The following MDN1 variants were observed in gnomAD, a reference collection of about 807,000 sequenced individuals.
MDN1 encodes the protein midasin AAA ATPase 1.
Under a neutral mutation model 669.2 loss-of-function variants are expected in MDN1, and 266 were observed. The observed-to-expected ratio is 0.40, with a 90% confidence interval of 0.36 to 0.44. The LOEUF is 0.44. MDN1 is among the 20% of genes least tolerant of loss of function. MDN1 has a pLI of 1.00. For missense variants in MDN1, 5,940 were observed against 6,754.0 expected (o/e 0.88, Z 4.22); for synonymous variants, 2,385 against 2,457.1 (o/e 0.97, Z 0.87).
At chr6:89,754,333 A>G in intron 20 of MDN1, 103 bp from the exon 21 acceptor site, 1 of 1,212,426 alleles carries the variant, frequency 8.2e-7, no homozygotes, top group Non-Finnish European at 1.1e-6. Context: ...ATCAGAAATG[A>G]TCATGCACAC....
intron 33 of MDN1, among the ~76,000 whole-genome samples, chr6:89,733,237 C>CT (rs952569398): frequency 3.5e-4 from 52 of 148,938 alleles, no homozygotes; most frequent in Non-Finnish European, 5.7e-4. Context: ...TTTCTTTTTT[C>CT]TTTTTTTTTA....
chr6:89,755,780 C>T (rs1337653771), intron 20 of MDN1, among the ~76,000 whole-genome samples: 2 of 152,170 alleles, frequency 1.3e-5, no homozygotes, highest in African/African-American at 4.8e-5. Context: ...ATATGGCATA[C>T]AAAAAACAGG....
chr6:89,699,110 A>C (rs887102995), intron 58 of MDN1, 75 bp from the exon 59 acceptor site: 1 of 1,319,106 alleles, frequency 7.6e-7, no homozygotes, highest in Non-Finnish European at 1.0e-6. Flanking sequence ...TCTTTCTTCT[A>C]AGGCCCATCT....
chr6:89,688,526 T>C (rs539713328), intron 66 of MDN1, 47 bp downstream of exon 66: 12 of 1,540,478 alleles, frequency 7.8e-6, no homozygotes, highest in South Asian at 2.4e-5. Context: ...TGCATCCTCA[T>C]TGCAGACTCA....
chr6:89,688,036 A>G (rs1335244445), intron 67 of MDN1, 42 bp downstream of exon 67: 1 of 1,528,972 alleles, frequency 6.5e-7, no homozygotes, highest in South Asian at 1.1e-5. Context: ...TCTTTTGCCA[A>G]CTGACCACCA....
chr6:89,752,443 T>C (rs1460610092), intron 22 of MDN1, among the ~76,000 whole-genome samples: 1 of 152,226 alleles, frequency 6.6e-6, no homozygotes, highest in Non-Finnish European at 1.5e-5. Flanking sequence ...TTTAAAAGGC[T>C]GAGTCCAAAG....
At position 89,658,737 on chromosome 6, in the gene MDN1, T is replaced by G. The variant is rs1271472230; in HGVS notation, c.14894A>C (p.Asp4965Ala). 1 of 1,614,048 alleles carries G rather than the reference T, an allele frequency of 6.2e-7. No individual in the cohort carries two copies. Among genetic ancestry groups the G allele is most frequent in the Non-Finnish European group, 8.5e-7 (1 of 1,180,026 alleles). ...EEMDTGADDQ[D>A]GDAAQHPEEH... is the part of the protein sequence containing the mutation. ...TTCAGGATGCTGAGCAGCATCTCCATCTTGGTCATCAGCTCCTGTGTCCAT... is the reference window on the plus strand; with the variant it reads ...TTCAGGATGCTGAGCAGCATCTCCAGCTTGGTCATCAGCTCCTGTGTCCAT... Residue 4965 changes from aspartate to alanine, a missense_variant, in exon 89 of 102, where the codon GAT becomes GCT. Around this residue, in one of 5 missense-constraint regions of MDN1, gnomAD observed 2,280 missense variants for 2,576.3 expected, o/e 0.88. Coordinates refer to ENST00000369393, the MANE Select transcript of MDN1 (RefSeq NM_014611.3).
intron 91 of MDN1, 51 bp downstream of exon 91, chr6:89,656,649 C>A: frequency 9.2e-5 from 101 of 1,099,132 alleles, no homozygotes; most frequent in Middle Eastern, 2.5e-4. Context: ...TTTGGAACAT[C>A]TTTTTCTACA....
At chr6:89,803,833 A>G (rs1002694900) in intron 1 of MDN1, among the ~76,000 whole-genome samples, 19 of 150,004 alleles carry the variant, frequency 1.3e-4, no homozygotes, top group African/African-American at 3.9e-4. Flanking sequence ...CGCCCGCCTC[A>G]GCCTCCCAAA....
At chr6:89,780,880 A>G (rs1019663169) in intron 10 of MDN1, among the ~76,000 whole-genome samples, 5 of 150,776 alleles carry the variant, frequency 3.3e-5, no homozygotes, top group African/African-American at 1.2e-4. Flanking sequence ...CGAACTCCTG[A>G]TCTCATGATC....
Position 89,712,871 on chromosome 6 carries a change from C to T in MDN1, c.7219-85G>A, listed in dbSNP as rs193209675. On this transcript the variant is annotated intron_variant, in intron 47 of 101. Transcript: ENST00000369393. ...ACCAGCAAAGTAATAATAGTCCATG[C>T]GACCACCTCACAACAACTTTTAATA... The T allele has an allele frequency of 2.2e-3, 2,778 of 1,236,444 alleles. 6 individuals are homozygous for T. The highest frequency in any genetic ancestry group is 2.9e-3 in the Non-Finnish European group (2,483 of 865,014). The allele number at this position is 1,236,444 out of a possible 1,614,324, so 76.6% of individuals were successfully genotyped here.
At chr6:89,753,924 TATTTA>T (rs1422091398) in intron 21 of MDN1, among the ~76,000 whole-genome samples, 154 bp downstream of exon 21, 2 of 152,074 alleles carry the variant, frequency 1.3e-5, no homozygotes, top group Non-Finnish European at 2.9e-5. Flanking sequence ...AAAAGTAAAA[TATTTA>T]ATTTAAAAGG....
intron 66 of MDN1, 93 bp from the exon 67 acceptor site, chr6:89,688,266 C>G (rs750508656): frequency 9.5e-6 from 11 of 1,158,878 alleles, no homozygotes; most frequent in Admixed American, 2.1e-5. Flanking sequence ...AGATTCCCCC[C>G]AGTTCTCTAC....
At chr6:89,680,557 G>C in intron 74 of MDN1, 32 bp downstream of exon 74, 1 of 1,603,320 alleles carries the variant, frequency 6.2e-7, no homozygotes, top group South Asian at 1.1e-5. Context: ...AAAACAGAAA[G>C]ATCCACCCTT....
At chr6:89,656,914 A>G (rs1306519690) in intron 90 of MDN1, 113 bp from the exon 91 acceptor site, 2 of 897,760 alleles carry the variant, frequency 2.2e-6, no homozygotes, top group Admixed American at 2.4e-5. Flanking sequence ...TCTCAGTCAT[A>G]TAATCACTCC....
intron 1 of MDN1, 130 bp downstream of exon 1, chr6:89,819,376 G>A (rs533697832): frequency 1.4e-5 from 12 of 840,414 alleles, no homozygotes; most frequent in Non-Finnish European, 2.1e-5. Context: ...GCCCACAGGA[G>A]GGGGCCAGCT....
chr6:89,795,584 G>A (rs1448344502), intron 2 of MDN1, among the ~76,000 whole-genome samples: 5 of 152,160 alleles, frequency 3.3e-5, no homozygotes. Flanking sequence ...GCAAGACCTT[G>A]TCTCAAAATA....
chr6:89,695,101 C>G lies in MDN1; in HGVS notation c.9771+504G>C, dbSNP rs548821771. Among the ~76,000 whole-genome samples, 1 of 152,030 alleles carries G rather than the reference C, an allele frequency of 6.6e-6. No homozygotes were observed. Among genetic ancestry groups the G allele is most frequent in the Non-Finnish European group, 1.5e-5 (1 of 68,008 alleles). ...TACAAAAATTAGCCAGGCGTGGTAG[C>G]GGGTTCCTGTAATCCCAGCTACTCG... is the stretch of plus-strand genomic sequence containing the variant. On this transcript the variant is annotated intron_variant, in intron 61 of 101. Transcript: ENST00000369393. This position sits in a 1 kb window ranked among gnomAD's most constrained non-coding sequence, Gnocchi z 4.1.
rs1347640262 is a variant in MDN1 at position 89,648,051 on chromosome 6, T to C, written c.16376A>G (p.Lys5459Arg). 6.2e-7 allele frequency: 1 copy of C among 1,613,794 alleles called. No homozygotes were observed. The highest frequency in any genetic ancestry group is 1.7e-5 in the Admixed American group (1 of 60,022). ...TCTTACCTGAGCAATCTTGGTTTTC[T>C]TTTGTTGGAATTTGCAGAGACGTAG... Reference protein sequence around the residue: ...QILRLCKFQQKKTKIAQFLES... With the variant: ...QILRLCKFQQRKTKIAQFLES... The change falls in exon 99 of 102, where the codon AAG becomes AGG. Residue 5459 changes from lysine (K) to arginine (R), a missense_variant. Around this residue, in one of 5 missense-constraint regions of MDN1, gnomAD observed 2,280 missense variants for 2,576.3 expected, o/e 0.88. Transcript: ENST00000369393.
Sources: gnomAD v4.1 joint callset for allele counts (sites outside exome capture counted in the v4.1 genomes callset) on GRCh38, gnomAD v4.1.1 for gene constraint, gnomAD v4.1.1 regional missense constraint, Gnocchi (gnomAD v3.1) non-coding constraint, MANE v1.5 for transcripts, NCBI Gene and HGNC (gene_info 2026-07-23, HGNC 2026-07-21) for gene names.